The following PTGIS variants were observed in gnomAD, a reference collection of about 807,000 sequenced individuals.
PTGIS encodes prostacyclin synthase.
Under a neutral mutation model 50.3 loss-of-function variants are expected in PTGIS, and 45 were observed. The observed-to-expected ratio is 0.90, with a 90% CI of 0.70 to 1.15. The LOEUF (loss-of-function observed/expected upper bound fraction) is 1.15, where lower values mean the gene tolerates loss of function less well. PTGIS is among the 50% of genes most tolerant of loss of function. The pLI, the probability that PTGIS is intolerant of heterozygous loss-of-function variation, is 0.00. For missense variants in PTGIS, 668 were observed against 661.3 expected (o/e 1.01, Z -0.11); for synonymous variants, 260 against 267.7 (o/e 0.97, Z 0.28).
intron 1 of PTGIS, among the ~76,000 whole-genome samples, chr20:49,552,733 G>A (rs1200271350): frequency 6.6e-6 from 1 of 152,068 alleles, no homozygotes; most frequent in Non-Finnish European, 1.5e-5. Flanking sequence ...ACTTAAAAAC[G>A]ATACAGAAAG....
chr20:49,563,309 C>T (rs1236860115), intron 1 of PTGIS, among the ~76,000 whole-genome samples: 1 of 152,214 alleles, frequency 6.6e-6, no homozygotes, highest in African/African-American at 2.4e-5. Flanking sequence ...AACAGGGTTT[C>T]CCAGATGCTC....
chr20:49,513,450 G>A (rs6019876), intron 7 of PTGIS, among the ~76,000 whole-genome samples, 189 bp from the exon 8 acceptor site: 66 of 151,908 alleles, frequency 4.3e-4, no homozygotes, highest in Middle Eastern at 3.4e-3. Flanking sequence ...CCTCAGAGAC[G>A]TTTGAACATG....
chr20:49,559,786 A>G (rs1233481591), intron 1 of PTGIS, among the ~76,000 whole-genome samples: 1 of 152,176 alleles, frequency 6.6e-6, no homozygotes, highest in Non-Finnish European at 1.5e-5. Flanking sequence ...GTGGTTGCCC[A>G]GGGCTGGAGG....
At chr20:49,518,340 A>G (rs769325807) in intron 6 of PTGIS, among the ~76,000 whole-genome samples, 1 of 152,212 alleles carries the variant, frequency 6.6e-6, no homozygotes, top group Non-Finnish European at 1.5e-5. Flanking sequence ...CTTTCCTTCA[A>G]TTTTGTTGTG....
At chr20:49,527,287 T>C (rs1355305145) in intron 5 of PTGIS, among the ~76,000 whole-genome samples, 3 of 62,086 alleles carry the variant, frequency 4.8e-5, no homozygotes, top group Non-Finnish European at 1.0e-4. Context: ...TCTACTAAAA[T>C]ACAAAAAAAA....
intron 6 of PTGIS, among the ~76,000 whole-genome samples, chr20:49,521,120 G>A (rs1981642054): frequency 6.6e-6 from 1 of 152,226 alleles, no homozygotes; most frequent in African/African-American, 2.4e-5. Context: ...TTGAGCACTT[G>A]TTATCTGCAA....
At chr20:49,554,714 A>C (rs1265606594) in intron 1 of PTGIS, among the ~76,000 whole-genome samples, 1 of 152,218 alleles carries the variant, frequency 6.6e-6, no homozygotes, top group Non-Finnish European at 1.5e-5. Flanking sequence ...CTATTAATTA[A>C]ACATTAACAT....
chr20:49,518,038 G>C (rs1981536453), intron 6 of PTGIS, among the ~76,000 whole-genome samples: 1 of 152,192 alleles, frequency 6.6e-6, no homozygotes, highest in South Asian at 2.1e-4. Flanking sequence ...CTCCTCCATG[G>C]GATTGCTAAA....
At chr20:49,510,940 T>A (rs1441587303) in intron 9 of PTGIS, 88 bp downstream of exon 9, 1 of 1,311,712 alleles carries the variant, frequency 7.6e-7, no homozygotes, top group African/African-American at 1.4e-5. Context: ...ACCATTCTCC[T>A]GGCTGAGCCC....
chr20:49,520,838 CA>C (rs1005792254), intron 6 of PTGIS, among the ~76,000 whole-genome samples: 1 of 151,528 alleles, frequency 6.6e-6, no homozygotes, highest in African/African-American at 2.4e-5. Flanking sequence ...AGCTTTTCTA[CA>C]AAAAAAATAA....
chr20:49,543,118 G>A (rs1982272206), intron 4 of PTGIS, among the ~76,000 whole-genome samples: 1 of 151,808 alleles, frequency 6.6e-6, no homozygotes, highest in South Asian at 2.1e-4. Flanking sequence ...GTTGGTTAAG[G>A]GCATCACTAA....
intron 5 of PTGIS, 29 bp from the exon 6 acceptor site, chr20:49,524,268 G>A (rs183826164): frequency 1.6e-5 from 25 of 1,610,642 alleles, no homozygotes; most frequent in East Asian, 2.2e-5. Flanking sequence ...GAGAGTAGGG[G>A]TTACAGATTC....
chr20:49,554,964 C>T (rs1982590991), intron 1 of PTGIS, among the ~76,000 whole-genome samples: 1 of 152,068 alleles, frequency 6.6e-6, no homozygotes, highest in Admixed American at 6.6e-5. Context: ...ATTAAGTCTC[C>T]TCTCTCAAAG....
At chr20:49,566,448 A>G (rs999989947) in intron 1 of PTGIS, among the ~76,000 whole-genome samples, 1 of 152,242 alleles carries the variant, frequency 6.6e-6, no homozygotes, top group Non-Finnish European at 1.5e-5. Flanking sequence ...GACAGGAAAA[A>G]TAATTCATTT....
chr20:49,556,240 C>G (rs2122897932), intron 1 of PTGIS, among the ~76,000 whole-genome samples: 1 of 152,158 alleles, frequency 6.6e-6, no homozygotes, highest in African/African-American at 2.4e-5. Flanking sequence ...GCCTAAGTAT[C>G]TTTTTTCTTT....
chr20:49,553,795 G>A (rs944406757), intron 1 of PTGIS, among the ~76,000 whole-genome samples: 5 of 152,050 alleles, frequency 3.3e-5, no homozygotes, highest in African/African-American at 9.6e-5. Context: ...TATATGGAAA[G>A]AATCCCGTAA....
intron 6 of PTGIS, among the ~76,000 whole-genome samples, chr20:49,522,582 C>A (rs1981678441): frequency 6.6e-6 from 1 of 152,098 alleles, no homozygotes; most frequent in Admixed American, 6.5e-5. Flanking sequence ...CTTGCCTCAC[C>A]CTCCTGACTA....
rs772344851 is a variant in PTGIS, at chr20:49,508,083, G to A, written c.1359-19C>T. ...CACAAATCTGCAGAGAGATGGCATGGAAGGTGTGAAGGAGAGGAGTAGGGC... is the reference window on the plus strand; with the variant it reads ...CACAAATCTGCAGAGAGATGGCATGAAAGGTGTGAAGGAGAGGAGTAGGGC... On this transcript the variant is annotated intron_variant, in intron 9 of 9. Transcript: ENST00000244043. 6.2e-7 allele frequency: 1 copy of A among 1,613,182 alleles called. No individual in the cohort carries two copies. Among genetic ancestry groups the A allele is most frequent in the Non-Finnish European group, 8.5e-7 (1 of 1,179,976 alleles).
intron 6 of PTGIS, among the ~76,000 whole-genome samples, chr20:49,523,479 AAAAAAACAAAAAC>A: frequency 6.6e-6 from 1 of 152,224 alleles, no homozygotes; most frequent in African/African-American, 2.4e-5. Flanking sequence ...TCCAAATTAA[AAAAAAACAAAAAC>A]AAAAAACAAA....
Sources: gnomAD v4.1 joint callset for allele counts (sites outside exome capture counted in the v4.1 genomes callset) on GRCh38, gnomAD v4.1.1 for gene constraint, MANE v1.5 for transcripts, NCBI Gene and HGNC (gene_info 2026-07-23, HGNC 2026-07-21) for gene names.